FNBP1: variants seen among roughly 807,000 people sequenced by gnomAD.
The protein encoded by FNBP1 is formin binding protein 1.
A neutral mutation model predicts 90.6 loss-of-function variants in FNBP1; 26 were observed. The observed-to-expected ratio is 0.29, with a 90% confidence interval of 0.21 to 0.40. The LOEUF is 0.40. Among genes scored for constraint, FNBP1 ranks in the 10% least tolerant of loss-of-function variants. The probability of loss-of-function intolerance (pLI) is 1.00; values close to 1 mark genes in which losing one functional copy is unlikely to be tolerated. For synonymous variants in FNBP1, 260 were observed against 265.2 expected (o/e 0.98, Z 0.19); for missense variants, 635 against 768.0 (o/e 0.83, Z 2.05).
At position 129,957,578 on chromosome 9, in the gene FNBP1, G is replaced by T. The variant is rs1458449795; in HGVS notation, c.409-114C>A. On this transcript the variant is annotated intron_variant, in intron 5 of 16. Transcript: ENST00000446176. This position sits in a 1 kb window ranked among gnomAD's most constrained non-coding sequence, Gnocchi z 4.3. ...TTTCTTTTTTTTTTCTTCAGTCAGGGTCTCACTTTGTCACCCAGGCTGGAG... is the reference window on the plus strand; with the variant it reads ...TTTCTTTTTTTTTTCTTCAGTCAGGTTCTCACTTTGTCACCCAGGCTGGAG... 3 of 796,210 alleles carry T rather than the reference G, an allele frequency of 3.8e-6. No homozygotes were observed. Among genetic ancestry groups the T allele is most frequent in the East Asian group, 2.9e-5 (1 of 34,804 alleles). 49.3% of individuals were successfully genotyped at this position (796,210 alleles called of 1,614,324 possible).
rs1402319377 is a variant in FNBP1 at position 129,966,759 on chromosome 9, C to T, written c.346-8206G>A. On this transcript the variant is annotated intron_variant, in intron 4 of 16. Coordinates refer to ENST00000446176, the MANE Select transcript of FNBP1 (RefSeq NM_015033.3). This position sits in a 1 kb window ranked among gnomAD's most constrained non-coding sequence, Gnocchi z 4.3. ...ACAACAACAACAACAACAACAACAACAACAAAAGAAAGGAAGTGACATGGC... is the reference window on the plus strand; with the variant it reads ...ACAACAACAACAACAACAACAACAATAACAAAAGAAAGGAAGTGACATGGC... 6.6e-6 allele frequency among the ~76,000 whole-genome samples: 1 copy of T among 151,908 alleles called. No homozygotes were observed. The highest frequency in any genetic ancestry group is 2.4e-5 in the African/African-American group (1 of 41,342).
Position 129,895,820 on chromosome 9 carries a change from A to T in FNBP1, c.1846+18T>A. 1.9e-6 allele frequency: 3 copies of T among 1,546,112 alleles called. No homozygotes were observed. The highest frequency in any genetic ancestry group is 2.6e-6 in the Non-Finnish European group (3 of 1,150,550). On this transcript the variant is annotated intron_variant, in intron 16 of 16. Transcript: ENST00000446176. ...TTAAGTTTTTTTTTTTTATGGTATT[A>T]AATATAAGTCTTAGCACCTTTGGCA...
At chr9:129,968,314 G>A (rs1358291808) in intron 4 of FNBP1, among the ~76,000 whole-genome samples, 1 of 149,668 alleles carries the variant, frequency 6.7e-6, no homozygotes, top group Admixed American at 6.8e-5. Context: ...AAAATTGCTT[G>A]ACCCTGGGAG....
At chr9:129,917,891 C>T (rs771278896) in intron 10 of FNBP1, among the ~76,000 whole-genome samples, 10 of 152,114 alleles carry the variant, frequency 6.6e-5, no homozygotes, top group Admixed American at 1.3e-4. Context: ...ATTCATTGTA[C>T]GCACAGACAA....
intron 4 of FNBP1, among the ~76,000 whole-genome samples, chr9:129,960,153 C>T (rs922088449): frequency 6.6e-6 from 1 of 151,746 alleles, no homozygotes; most frequent in Non-Finnish European, 1.5e-5. Context: ...CAGAGGTGGG[C>T]GGATCACGAG....
chr9:129,890,287 G>GA lies in FNBP1; in HGVS notation c.*251dup. On this transcript the variant is annotated 3_prime_UTR_variant, in exon 17 of 17. Coordinates refer to ENST00000446176, the MANE Select transcript of FNBP1 (RefSeq NM_015033.3). This position sits in a 1 kb window ranked among gnomAD's most constrained non-coding sequence, Gnocchi z 5.8. The stretch of plus-strand genomic sequence containing the variant: ...GTCTCAGTGGCCTGCGCGGGGTGGG[G>GA]AGGGGGAGCGATGAGGACTGACCCG... 1.9e-6 allele frequency: 1 copy of GA among 540,244 alleles called. No homozygotes were observed. Among genetic ancestry groups the GA allele is most frequent in the East Asian group, 3.1e-5 (1 of 31,840 alleles). The allele number at this position is 540,244 out of a possible 1,614,324, so 33.5% of individuals were successfully genotyped here. A position where few individuals can be genotyped will look rare whatever the true frequency, so the allele number is the denominator to read the frequency against.
Position 129,890,430 on chromosome 9 carries a change from G to A in FNBP1, c.*109C>T. 1.1e-6 allele frequency: 1 copy of A among 871,970 alleles called. No homozygotes were observed. The highest frequency in any genetic ancestry group is 1.9e-6 in the Non-Finnish European group (1 of 531,362). 54.0% of individuals were successfully genotyped at this position (871,970 alleles called of 1,614,324 possible). ...GAGAGAGACCGCCCCGCAGGGATGG[G>A]GCTGCGGAGGGGTGGGCTGTCCACA... On this transcript the variant is annotated 3_prime_UTR_variant, in exon 17 of 17. Transcript: ENST00000446176. The surrounding 1 kb of genome is among the most constrained non-coding windows in gnomAD (Gnocchi z 5.8).
chr9:129,950,089 T>C (rs529182837), intron 6 of FNBP1, among the ~76,000 whole-genome samples: 1 of 152,274 alleles, frequency 6.6e-6, no homozygotes, highest in East Asian at 1.9e-4. Context: ...GAAATCATAA[T>C]GGGAGATGAC....
intron 4 of FNBP1, among the ~76,000 whole-genome samples, chr9:129,972,233 A>G (rs955531258): frequency 2.0e-5 from 3 of 152,088 alleles, no homozygotes; most frequent in Admixed American, 2.0e-4. Context: ...TCCCGGGTTC[A>G]AGCGATTCTC....
intron 1 of FNBP1, among the ~76,000 whole-genome samples, chr9:130,038,358 CA>C (rs532239781): frequency 0.37 from 28,421 of 75,952 alleles, 3,357 homozygotes; most frequent in Non-Finnish European, 0.42. Context: ...GACTCCGTCT[CA>C]AAAAAAAAAA....
Position 129,957,346 on chromosome 9 carries a change from A to C in FNBP1, c.513+14T>G, listed in dbSNP as rs369710447. On this transcript the variant is annotated intron_variant, in intron 6 of 16. Coordinates refer to ENST00000446176, the MANE Select transcript of FNBP1 (RefSeq NM_015033.3). This position sits in a 1 kb window ranked among gnomAD's most constrained non-coding sequence, Gnocchi z 4.3. Reference sequence around the variant, plus strand: ...AGCCACCGTGCCCGGCCCACACTTGAGCTTTCACCTCACCTTTTCAACATC... The same window carrying C: ...AGCCACCGTGCCCGGCCCACACTTGCGCTTTCACCTCACCTTTTCAACATC... 3.1e-6 allele frequency: 5 copies of C among 1,591,062 alleles called. No homozygotes were observed. Among genetic ancestry groups the C allele is most frequent in the Admixed American group, 3.4e-5 (2 of 59,162 alleles).
intron 10 of FNBP1, among the ~76,000 whole-genome samples, chr9:129,922,161 T>A (rs1008611046): frequency 3.9e-5 from 6 of 152,332 alleles, no homozygotes; most frequent in African/African-American, 1.4e-4. Context: ...TTACTCATTA[T>A]ATTCATTATA....
At chr9:129,984,068 G>A (rs2051739010) in intron 2 of FNBP1, among the ~76,000 whole-genome samples, 1 of 151,936 alleles carries the variant, frequency 6.6e-6, no homozygotes, top group African/African-American at 2.4e-5. Flanking sequence ...TGACTTACTC[G>A]GCCCTATTCC....
intron 1 of FNBP1, among the ~76,000 whole-genome samples, chr9:130,019,142 G>T (rs1007569573): frequency 6.6e-6 from 1 of 151,868 alleles, no homozygotes; most frequent in African/African-American, 2.4e-5. Context: ...TGGGAGGATC[G>T]CTTGAGTCTG....
intron 13 of FNBP1, among the ~76,000 whole-genome samples, chr9:129,901,829 T>C (rs2037000883): frequency 6.6e-6 from 1 of 152,098 alleles, no homozygotes. Context: ...GGAGAATCAC[T>C]TGAACCTGGG....
upstream of FNBP1, among the ~76,000 whole-genome samples, chr9:130,046,259 G>A (rs951400663): frequency 6.6e-6 from 1 of 152,056 alleles, no homozygotes; most frequent in Non-Finnish European, 1.5e-5. Context: ...AGAGGTGTGG[G>A]ACTTTTATCT....
rs546640895 is a variant in FNBP1 at position 129,922,167 on chromosome 9, T to C, written c.1170+1677A>G. ...AAGATCTGTTTACTCATTATATTCA[T>C]TATAAAAGATATTTTGGGAAGGCTT... On this transcript the variant is annotated intron_variant, in intron 10 of 16. Transcript: ENST00000446176. 2.6e-5 allele frequency among the ~76,000 whole-genome samples: 4 copies of C among 152,324 alleles called. No individual in the cohort carries two copies. The East Asian group carries it at 7.7e-4, about 29-fold the overall frequency.
intron 6 of FNBP1, among the ~76,000 whole-genome samples, chr9:129,944,353 C>A (rs2044854677): frequency 6.6e-6 from 1 of 151,712 alleles, no homozygotes; most frequent in Non-Finnish European, 1.5e-5. Flanking sequence ...CCATCCAGGC[C>A]AACCTGGAGA....
intron 12 of FNBP1, among the ~76,000 whole-genome samples, chr9:129,907,436 C>T (rs972412881): frequency 3.9e-5 from 6 of 152,156 alleles, no homozygotes; most frequent in Admixed American, 2.6e-4. Context: ...GATTTGACCC[C>T]AGGGTATCTG....
Sources: allele counts gnomAD v4.1 joint callset (sites outside exome capture counted in the v4.1 genomes callset), GRCh38; gene constraint gnomAD v4.1.1; non-coding constraint Gnocchi (gnomAD v3.1); transcripts MANE v1.5; gene names NCBI Gene and HGNC (gene_info 2026-07-23, HGNC 2026-07-21).